LRBA: variants seen among roughly 807,000 people sequenced by gnomAD.
The protein encoded by LRBA is LPS responsive beige-like anchor protein, also known as lipopolysaccharide-responsive and beige-like anchor protein.
A neutral mutation model predicts 330.0 loss-of-function variants in LRBA; 176 were observed. The observed-to-expected ratio is 0.53, with a 90% confidence interval of 0.47 to 0.60. The LOEUF (loss-of-function observed/expected upper bound fraction) is 0.60. Among genes scored for constraint, LRBA ranks in the 20% least tolerant of loss-of-function variants. LRBA has a pLI of 0.00. For synonymous variants in LRBA, 1,230 were observed against 1,193.0 expected (o/e 1.03, Z -0.64); for missense variants, 3,259 against 3,444.8 (o/e 0.95, Z 1.35).
At chr4:150,515,688 T>C (rs1034125297) in intron 40 of LRBA, among the ~76,000 whole-genome samples, 1 of 152,132 alleles carries the variant, frequency 6.6e-6, no homozygotes, top group Non-Finnish European at 1.5e-5. Context: ...GCATTTGAAA[T>C]ATCCAAAGTA....
chr4:150,300,694 G>T (rs1729564347), intron 53 of LRBA, among the ~76,000 whole-genome samples: 1 of 151,920 alleles, frequency 6.6e-6, no homozygotes, highest in South Asian at 2.1e-4. Flanking sequence ...CAATCTCTAG[G>T]TTGAGTTACA....
At position 150,436,754 on chromosome 4, in the gene LRBA, T is replaced by G. The variant is rs1386849505; in HGVS notation, c.6891A>C (p.Ala2297=). 2 of 1,613,016 alleles carry G rather than the reference T, an allele frequency of 1.2e-6. No individual in the cohort carries two copies. Among genetic ancestry groups the G allele is most frequent in the East Asian group, 2.2e-5 (1 of 44,810 alleles). ...KFHYGTHYST[A]SFVLAWLLRI... is the part of the protein sequence containing the mutation. ...TTAGCAGCCATGCAAGAACAAAACT[T>G]GCAGTTGAGTAATGAGTACCATAGT... Residue 2297 remains alanine (A), a synonymous_variant, in exon 45 of 57, where the codon GCA becomes GCC. Transcript: ENST00000651943.
intron 47 of LRBA, among the ~76,000 whole-genome samples, chr4:150,385,432 T>C (rs1335273795): frequency 4.6e-5 from 7 of 152,228 alleles, no homozygotes; most frequent in Non-Finnish European, 1.0e-4. Flanking sequence ...AAATTTACTA[T>C]TGTTTTATTT....
intron 40 of LRBA, among the ~76,000 whole-genome samples, chr4:150,522,305 A>T (rs557656142): frequency 6.6e-6 from 1 of 152,328 alleles, no homozygotes; most frequent in Admixed American, 6.5e-5. Flanking sequence ...ATTTTGTTAG[A>T]GGAGCACAAA....
chr4:150,713,957 C>CA lies in LRBA; in HGVS notation c.5754+21300dup, dbSNP rs577029405. Among the ~76,000 whole-genome samples, 406 of 152,204 alleles carry CA rather than the reference C, an allele frequency of 2.7e-3. 1 individual carries two copies. The highest frequency in any genetic ancestry group is 5.0e-3 in the Non-Finnish European group (339 of 68,004). ...GGAGATCAGATGAGTGTGCTCCTAA[C>CA]AAAAATATTCAATTAGTTTGTGAGC... On this transcript the variant is annotated intron_variant, in intron 36 of 56. Transcript: ENST00000651943.
chr4:150,524,021 A>G (rs1043924930), intron 40 of LRBA, among the ~76,000 whole-genome samples: 6 of 152,192 alleles, frequency 3.9e-5, no homozygotes, highest in African/African-American at 1.4e-4. Flanking sequence ...CTTACTTTAG[A>G]GAATAATGAA....
Position 150,798,508 on chromosome 4 carries a change from C to T in LRBA, c.5519-366G>A, listed in dbSNP as rs536995756. Among the ~76,000 whole-genome samples the T allele has an allele frequency of 2.6e-5, 4 of 152,218 alleles. No individual in the cohort carries two copies. The East Asian group carries it at 5.8e-4, about 22-fold the overall frequency. ...GCAGAGAAGGGAAATGGCTCCCTGA[C>T]CTTTGCTTTCTCCACTACACTCTCT... is the stretch of plus-strand genomic sequence containing the variant. On this transcript the variant is annotated intron_variant, in intron 33 of 56. Coordinates refer to ENST00000651943, the MANE Select transcript of LRBA (RefSeq NM_001364905.1).
chr4:150,392,342 T>G (rs545570820), intron 47 of LRBA, among the ~76,000 whole-genome samples: 2 of 152,278 alleles, frequency 1.3e-5, no homozygotes, highest in African/African-American at 4.8e-5. Context: ...TCTCACTAGT[T>G]CCTCTCACAT....
chr4:150,571,565 G>A (rs1361112592), intron 40 of LRBA, among the ~76,000 whole-genome samples: 2 of 150,808 alleles, frequency 1.3e-5, no homozygotes, highest in South Asian at 2.1e-4. Context: ...AAAGACAGGG[G>A]CATTCACACA....
chr4:150,508,355 T>G (rs1416642519), intron 40 of LRBA, among the ~76,000 whole-genome samples: 1 of 151,322 alleles, frequency 6.6e-6, no homozygotes, highest in African/African-American at 2.4e-5. Flanking sequence ...TGATCTCTGC[T>G]CACTGCAACC....
At chr4:150,508,191 A>C (rs7671288) in intron 40 of LRBA, among the ~76,000 whole-genome samples, 109,477 of 139,210 alleles carry the variant, frequency 0.79, 45,389 homozygotes, top group Non-Finnish European at 0.92. Context: ...CAAACCTGCA[A>C]ATTGTGCACA....
At chr4:150,992,485 T>C (rs1233832972) in intron 2 of LRBA, among the ~76,000 whole-genome samples, 1 of 152,200 alleles carries the variant, frequency 6.6e-6, no homozygotes, top group Non-Finnish European at 1.5e-5. Context: ...GGTCATGCCA[T>C]ACATGATAAG....
At chr4:150,768,195 A>C (rs1736048166) in intron 34 of LRBA, among the ~76,000 whole-genome samples, 1 of 152,130 alleles carries the variant, frequency 6.6e-6, no homozygotes. Flanking sequence ...TTTATTTTAC[A>C]ACCTGGAAAC....
At chr4:150,674,307 T>C (rs1011555875) in intron 37 of LRBA, among the ~76,000 whole-genome samples, 1 of 151,422 alleles carries the variant, frequency 6.6e-6, no homozygotes, top group Non-Finnish European at 1.5e-5. Flanking sequence ...ATAAGAATGA[T>C]CCTGACCCAA....
intron 48 of LRBA, among the ~76,000 whole-genome samples, chr4:150,332,613 C>A (rs1205858165): frequency 6.6e-6 from 1 of 152,142 alleles, no homozygotes; most frequent in Non-Finnish European, 1.5e-5. Flanking sequence ...ACTACTACCA[C>A]AATCACAGAG....
At chr4:150,903,612 C>CAG (rs1381046466) in intron 13 of LRBA, among the ~76,000 whole-genome samples, 3 of 152,142 alleles carry the variant, frequency 2.0e-5, no homozygotes, top group African/African-American at 7.2e-5. Context: ...TGGTGGTACA[C>CAG]AGCTACAGTC....
At chr4:150,590,964 T>C (rs1254999034) in intron 38 of LRBA, 105 bp from the exon 39 acceptor site, 1 of 918,834 alleles carries the variant, frequency 1.1e-6, no homozygotes, top group East Asian at 2.6e-5. Context: ...GGTCAATCTT[T>C]TATACACAGT....
chr4:150,473,736 G>T (rs571299543), intron 42 of LRBA, among the ~76,000 whole-genome samples: 1 of 152,144 alleles, frequency 6.6e-6, no homozygotes, highest in South Asian at 2.1e-4. Flanking sequence ...GGCTTTCCTG[G>T]GTCTCCAGCT....
chr4:150,669,330 T>C (rs1476859982), intron 37 of LRBA, among the ~76,000 whole-genome samples: 1 of 152,188 alleles, frequency 6.6e-6, no homozygotes, highest in Admixed American at 6.5e-5. Flanking sequence ...TTTACAGTGA[T>C]ACAATACTAT....
Sources: allele counts gnomAD v4.1 joint callset (sites outside exome capture counted in the v4.1 genomes callset), GRCh38; gene constraint gnomAD v4.1.1; transcripts MANE v1.5; gene names NCBI Gene and HGNC (gene_info 2026-07-23, HGNC 2026-07-21).